Variants in EYA2 observed in about 807,000 individuals in gnomAD.
EYA2 encodes the protein EYA transcriptional coactivator and phosphatase 2, also known as protein phosphatase EYA2.
Under a neutral mutation model 69.2 loss-of-function variants are expected in EYA2, and 31 were observed. The ratio of observed to expected loss-of-function variants is 0.45; its 90% confidence interval spans 0.34 to 0.60. The LOEUF is 0.60. EYA2 is among the 20% of genes least tolerant of loss of function. The probability of loss-of-function intolerance (pLI) is 0.02; values close to 1 mark genes in which losing one functional copy is unlikely to be tolerated. For missense variants in EYA2, 622 were observed against 701.2 expected, an observed-to-expected ratio of 0.89 and a Z score of 1.28; for synonymous variants, 257 against 279.4, an observed-to-expected ratio of 0.92 and a Z score of 0.80.
intron 1 of EYA2, among the ~76,000 whole-genome samples, chr20:46,923,641 A>G (rs957134696): frequency 5.3e-5 from 8 of 152,224 alleles, no homozygotes; most frequent in African/African-American, 1.9e-4. Flanking sequence ...AAAGGCCATT[A>G]TGCATGTAAC....
At position 47,183,350 on chromosome 20, in the gene EYA2, G is replaced by A; in HGVS notation, c.1495G>A (p.Val499Met). The change falls in exon 15 of 16, where the codon GTG (valine) becomes ATG (methionine). Residue 499 changes from valine (V) to methionine (M), a missense_variant. Physicochemically the swap from Val to Met is conservative, Grantham distance 21. Around this residue, in one of 2 missense-constraint regions of EYA2, gnomAD observed 257 missense variants for 351.5 expected, o/e 0.73. Coordinates refer to ENST00000327619, the MANE Select transcript of EYA2 (RefSeq NM_005244.5). ...ATTCGGCAGAAAAGCTGTCTACGTG[G>A]TGATCGGTGATGGTGTGGAAGAGGA... The part of the protein sequence containing the change: ...QRFGRKAVYV[V>M]IGDGVEEEQG... 1 of 1,614,166 alleles carries A rather than the reference G, an allele frequency of 6.2e-7. No homozygotes were observed. The highest frequency in any genetic ancestry group is 1.1e-5 in the South Asian group (1 of 91,074).
intron 9 of EYA2, among the ~76,000 whole-genome samples, chr20:47,135,731 C>T (rs6124949): frequency 0.27 from 40,013 of 147,698 alleles, 6,729 homozygotes; most frequent in East Asian, 0.4. Flanking sequence ...TCTGTAATCT[C>T]AGCACTTTGT....
intron 5 of EYA2, among the ~76,000 whole-genome samples, chr20:47,019,966 A>T (rs2146377419): frequency 1.8e-5 from 1 of 56,018 alleles, no homozygotes; most frequent in African/African-American, 5.4e-5. Context: ...GCAAGACCCT[A>T]TCTTTAAAAA....
chr20:47,129,841 C>T (rs1030054963), intron 9 of EYA2, among the ~76,000 whole-genome samples: 100 of 152,258 alleles, frequency 6.6e-4, no homozygotes, highest in African/African-American at 2.3e-3. Context: ...AGTAGACCAT[C>T]CAACCAGCAA....
chr20:47,046,559 A>G (rs2030047499), intron 5 of EYA2, among the ~76,000 whole-genome samples: 1 of 152,112 alleles, frequency 6.6e-6, no homozygotes, highest in Admixed American at 6.5e-5. Flanking sequence ...CCTTGGTACA[A>G]ACATCCAGTG....
At chr20:47,096,144 A>T (rs994353115) in intron 8 of EYA2, 2 of 152,342 alleles carry the variant, frequency 1.3e-5, no homozygotes, top group Non-Finnish European at 2.9e-5. Context: ...TTTAATTATG[A>T]TGGAGTACAA....
chr20:46,909,194 T>C (rs543909375), intron 1 of EYA2, among the ~76,000 whole-genome samples: 11 of 152,174 alleles, frequency 7.2e-5, no homozygotes, highest in Admixed American at 1.3e-4. Flanking sequence ...GTCTCATAAA[T>C]GGTTGTCAGC....
chr20:47,142,221 G>A (rs942849155), intron 9 of EYA2, among the ~76,000 whole-genome samples: 21 of 152,358 alleles, frequency 1.4e-4, no homozygotes, highest in Middle Eastern at 3.4e-3. Flanking sequence ...CAGGTATGGC[G>A]TGGGGGCTGC....
intron 1 of EYA2, among the ~76,000 whole-genome samples, chr20:46,947,503 C>T (rs533811316): frequency 4.6e-5 from 7 of 152,252 alleles, no homozygotes; most frequent in African/African-American, 1.4e-4. Flanking sequence ...GATAAGCTCT[C>T]GTATTTTCTA....
chr20:46,918,799 G>T (rs1985046783), intron 1 of EYA2, among the ~76,000 whole-genome samples: 1 of 152,128 alleles, frequency 6.6e-6, no homozygotes, highest in Admixed American at 6.5e-5. Context: ...AATTTACTTT[G>T]CCCAAATCTA....
intron 2 of EYA2, among the ~76,000 whole-genome samples, chr20:47,000,503 C>T (rs1289486359): frequency 6.6e-6 from 1 of 152,202 alleles, no homozygotes; most frequent in Admixed American, 6.5e-5. Flanking sequence ...TGGGCATTGG[C>T]AGGTTGACGC....
chr20:47,130,256 A>ATTTTCTTTTT (rs2033304976), intron 9 of EYA2, among the ~76,000 whole-genome samples: 3 of 69,780 alleles, frequency 4.3e-5, no homozygotes, highest in African/African-American at 2.3e-4. Flanking sequence ...AAGAAGGTTT[A>ATTTTCTTTTT]TTTTCTTTTT....
chr20:47,130,223 T>A (rs1417010416), intron 9 of EYA2, among the ~76,000 whole-genome samples: 4 of 150,690 alleles, frequency 2.7e-5, no homozygotes, highest in South Asian at 4.2e-4. Flanking sequence ...GTATCCTAAC[T>A]GTAACTTAAC....
chr20:47,035,274 G>A (rs964414972), intron 5 of EYA2, among the ~76,000 whole-genome samples: 5 of 152,154 alleles, frequency 3.3e-5, no homozygotes, highest in Admixed American at 2.0e-4. Flanking sequence ...AGTCTGAGAC[G>A]GTGGCGGCAA....
intron 8 of EYA2, among the ~76,000 whole-genome samples, chr20:47,094,232 A>G (rs2032180056): frequency 6.6e-6 from 1 of 152,214 alleles, no homozygotes; most frequent in Non-Finnish European, 1.5e-5. Context: ...CTGATTTTTA[A>G]AAGTTCTATT....
At chr20:47,050,362 A>T (rs1317599281) in intron 5 of EYA2, among the ~76,000 whole-genome samples, 4 of 152,246 alleles carry the variant, frequency 2.6e-5, no homozygotes, top group Non-Finnish European at 5.9e-5. Flanking sequence ...CCTTGGGCTG[A>T]CCTAGTAAAT....
intron 7 of EYA2, among the ~76,000 whole-genome samples, chr20:47,082,029 G>A (rs1465120504): frequency 1.3e-5 from 2 of 151,760 alleles, no homozygotes; most frequent in Non-Finnish European, 1.5e-5. Context: ...TAGTAGAGAC[G>A]GGGTTTTACC....
At chr20:47,145,314 G>A (rs930077483) in intron 10 of EYA2, among the ~76,000 whole-genome samples, 4 of 152,154 alleles carry the variant, frequency 2.6e-5, no homozygotes, top group Non-Finnish European at 4.4e-5. Flanking sequence ...CCATTCAGAT[G>A]GAGATCGGGG....
chr20:47,070,429 C>T (rs1420166496), intron 5 of EYA2, among the ~76,000 whole-genome samples: 2 of 152,172 alleles, frequency 1.3e-5, no homozygotes, highest in African/African-American at 4.8e-5. Context: ...AACTCTCGTG[C>T]ATTACCAGTC....
Sources: gnomAD v4.1 joint callset for allele counts (sites outside exome capture counted in the v4.1 genomes callset) on GRCh38, gnomAD v4.1.1 for gene constraint, gnomAD v4.1.1 regional missense constraint, MANE v1.5 for transcripts, NCBI Gene and HGNC (gene_info 2026-07-23, HGNC 2026-07-21) for gene names.